SMYD3: variants seen among roughly 807,000 people sequenced by gnomAD.
The protein encoded by SMYD3 is SET and MYND domain containing 3.
SMYD3 carries 36 observed loss-of-function variants against 57.7 expected under a neutral mutation model. The observed-to-expected ratio is 0.62, with a 90% confidence interval of 0.48 to 0.82. The LOEUF is 0.82. SMYD3 is among the 40% of genes least tolerant of loss of function. SMYD3 has a pLI of 0.00. For synonymous variants in SMYD3, 211 were observed against 195.0 expected (o/e 1.08, Z -0.68); for missense variants, 515 against 538.8 (o/e 0.96, Z 0.44).
At chr1:245,929,183 A>G (rs956206818) in intron 6 of SMYD3, among the ~76,000 whole-genome samples, 8 of 152,234 alleles carry the variant, frequency 5.3e-5, no homozygotes, top group African/African-American at 1.9e-4. Context: ...ATCCTATGTT[A>G]CTGCCTTTTG....
chr1:246,055,499 T>C (rs2060136746), intron 5 of SMYD3, among the ~76,000 whole-genome samples: 1 of 152,228 alleles, frequency 6.6e-6, no homozygotes, highest in South Asian at 2.1e-4. Flanking sequence ...ATTCCACTTC[T>C]GGGTATATAA....
intron 5 of SMYD3, among the ~76,000 whole-genome samples, chr1:246,209,446 AG>A (rs932816622): frequency 6.6e-6 from 1 of 152,178 alleles, no homozygotes; most frequent in African/African-American, 2.4e-5. Context: ...ATATAACAAG[AG>A]GGGGAAAAAA....
intron 1 of SMYD3, among the ~76,000 whole-genome samples, chr1:246,356,692 C>T (rs1054515566): frequency 6.6e-6 from 1 of 152,134 alleles, no homozygotes; most frequent in Non-Finnish European, 1.5e-5. Context: ...GAAAAAAGTA[C>T]TTCTGAGCTT....
Position 246,293,587 on chromosome 1 carries a change from C to T in SMYD3, c.531+33614G>A, listed in dbSNP as rs140830429. Among the ~76,000 whole-genome samples, 245 of 152,266 alleles carry T rather than the reference C, an allele frequency of 1.6e-3. 1 individual carries two copies. The highest frequency in any genetic ancestry group is 5.2e-3 in the African/African-American group (218 of 41,558). ...GACTACTCCAAGAAAACCCCTCCCC[C>T]GGCACAGTGGAAAAACCCACGACAG... On this transcript the variant is annotated intron_variant, in intron 5 of 11. Transcript: ENST00000490107.
chr1:246,330,428 CA>C, intron 4 of SMYD3, 51 bp downstream of exon 4: 1 of 1,425,978 alleles, frequency 7.0e-7, no homozygotes. Context: ...TTCACCAACT[CA>C]GCAAACAAAT....
At chr1:246,016,824 A>C (rs1558153841) in intron 5 of SMYD3, among the ~76,000 whole-genome samples, 1 of 152,118 alleles carries the variant, frequency 6.6e-6, no homozygotes, top group South Asian at 2.1e-4. Flanking sequence ...TAAAATAGAC[A>C]TTGGAAAGAA....
intron 5 of SMYD3, among the ~76,000 whole-genome samples, chr1:246,052,315 T>C (rs917584031): frequency 2.0e-5 from 3 of 152,174 alleles, no homozygotes; most frequent in Non-Finnish European, 4.4e-5. Context: ...AACACATCAA[T>C]GGGACGGCAT....
At chr1:246,157,925 T>C (rs116253813) in intron 5 of SMYD3, among the ~76,000 whole-genome samples, 396 of 152,356 alleles carry the variant, frequency 2.6e-3, no homozygotes, top group African/African-American at 9.0e-3. Context: ...AGGTTGAAGA[T>C]TGCAGGAAGC....
At chr1:246,311,080 T>C (rs948977119) in intron 5 of SMYD3, among the ~76,000 whole-genome samples, 1 of 152,174 alleles carries the variant, frequency 6.6e-6, no homozygotes, top group Non-Finnish European at 1.5e-5. Flanking sequence ...GAGAGCTCTA[T>C]ATTATTTTGT....
intron 5 of SMYD3, among the ~76,000 whole-genome samples, chr1:246,292,066 A>G (rs2064703345): frequency 6.6e-6 from 1 of 151,934 alleles, no homozygotes; most frequent in Non-Finnish European, 1.5e-5. Flanking sequence ...TAGACTTACT[A>G]TCCAACACAC....
At chr1:245,984,225 G>C (rs1216093736) in intron 5 of SMYD3, among the ~76,000 whole-genome samples, 2 of 152,008 alleles carry the variant, frequency 1.3e-5, no homozygotes, top group Non-Finnish European at 2.9e-5. Context: ...TCAAACTCCT[G>C]ACCTCAGGTG....
At chr1:246,481,621 T>TATACAC (rs1307881494) in intron 1 of SMYD3, among the ~76,000 whole-genome samples, 35 of 98,496 alleles carry the variant, frequency 3.6e-4, no homozygotes, top group Non-Finnish European at 4.4e-4. Context: ...CATACATATA[T>TATACAC]ACATACATAC....
intron 7 of SMYD3, among the ~76,000 whole-genome samples, chr1:245,924,428 G>A (rs1207345010): frequency 6.6e-6 from 1 of 152,176 alleles, no homozygotes; most frequent in Non-Finnish European, 1.5e-5. Flanking sequence ...TCCAAAGAGG[G>A]TCCAAAGGAT....
Position 246,202,912 on chromosome 1 carries a change from G to A in SMYD3, c.531+124289C>T, listed in dbSNP as rs1419455159. Among the ~76,000 whole-genome samples, 7 of 152,104 alleles carry A rather than the reference G, an allele frequency of 4.6e-5. No homozygotes were observed. The highest frequency in any genetic ancestry group is 1.0e-4 in the Non-Finnish European group (7 of 68,032). ...GAGGCCAAGATAGTGGATCACTTGA[G>A]GTCAGGAGTTCGAGACCAGCCTGGC... On this transcript the variant is annotated intron_variant, in intron 5 of 11. Transcript: ENST00000490107. The surrounding 1 kb of genome is among the most constrained non-coding windows in gnomAD (Gnocchi z 4.1).
At chr1:245,825,243 T>C (rs2049416263) in intron 10 of SMYD3, among the ~76,000 whole-genome samples, 1 of 152,192 alleles carries the variant, frequency 6.6e-6, no homozygotes, top group African/African-American at 2.4e-5. Context: ...GGGAAGCTTT[T>C]TCCATCTCCC....
At chr1:245,946,518 A>G (rs1260077357) in intron 5 of SMYD3, among the ~76,000 whole-genome samples, 1 of 152,210 alleles carries the variant, frequency 6.6e-6, no homozygotes, top group East Asian at 1.9e-4. Context: ...TGAGTACAGT[A>G]TCTTCATGAA....
At chr1:246,299,044 A>AAAAATG (rs1170144144) in intron 5 of SMYD3, among the ~76,000 whole-genome samples, 1 of 152,144 alleles carries the variant, frequency 6.6e-6, no homozygotes, top group African/African-American at 2.4e-5. Context: ...TTAGAGCACA[A>AAAAATG]CCTGGCAACA....
At chr1:245,790,297 C>T (rs2047216406) in intron 10 of SMYD3, among the ~76,000 whole-genome samples, 2 of 152,134 alleles carry the variant, frequency 1.3e-5, no homozygotes, top group South Asian at 4.2e-4. Context: ...TCAAGAGTGT[C>T]CCAACTATAG....
chr1:246,199,305 G>A (rs1278329013), intron 5 of SMYD3, among the ~76,000 whole-genome samples: 1 of 152,184 alleles, frequency 6.6e-6, no homozygotes, highest in African/African-American at 2.4e-5. Flanking sequence ...AAGTCACTGA[G>A]CTGAGCACAC....
Sources: allele counts gnomAD v4.1 joint callset (sites outside exome capture counted in the v4.1 genomes callset), GRCh38; gene constraint gnomAD v4.1.1; non-coding constraint Gnocchi (gnomAD v3.1); transcripts MANE v1.5; gene names NCBI Gene and HGNC (gene_info 2026-07-23, HGNC 2026-07-21).